RGP1: variants seen among roughly 807,000 people sequenced by gnomAD.
RGP1 encodes the protein RAB6A-GEF complex partner protein 2.
A neutral mutation model predicts 44.5 loss-of-function variants in RGP1; 28 were observed. The observed-to-expected ratio is 0.63, with a 90% CI of 0.47 to 0.86. RGP1 has a LOEUF of 0.86. Ranked by LOEUF, RGP1 falls within the 40% of genes least tolerant of loss-of-function variation. The pLI is 0.00. For missense variants in RGP1, 417 were observed against 490.7 expected (o/e 0.85, Z 1.42); for synonymous variants, 212 against 196.7 (o/e 1.08, Z -0.65).
the RGP1 span, among the ~76,000 whole-genome samples, chr9:35,769,641 C>G: frequency 6.6e-6 from 1 of 151,926 alleles, no homozygotes; most frequent in African/African-American, 2.4e-5. Context: ...GATGAAAAGT[C>G]GGAAGAAAGT....
chr9:35,777,244 C>A, the RGP1 span, among the ~76,000 whole-genome samples: 50 of 148,980 alleles, frequency 3.4e-4, 1 homozygote, highest in East Asian at 9.7e-3. Context: ...TTTCTCCTGC[C>A]TCAGCCTCCC....
chr9:35,783,715 C>T, the RGP1 span, among the ~76,000 whole-genome samples: 1 of 152,142 alleles, frequency 6.6e-6, no homozygotes, highest in East Asian at 1.9e-4. Flanking sequence ...GGGTTGATTC[C>T]ATATCTTGGC....
At chr9:35,785,464 G>A in the RGP1 span, among the ~76,000 whole-genome samples, 2 of 136,890 alleles carry the variant, frequency 1.5e-5, no homozygotes. Flanking sequence ...ATTTTCATTT[G>A]AAGGAATGGT....
chr9:35,776,413 G>A, the RGP1 span, among the ~76,000 whole-genome samples: 74 of 151,498 alleles, frequency 4.9e-4, no homozygotes, highest in Middle Eastern at 3.4e-3. Flanking sequence ...TCAGCCTCCC[G>A]AGTAGCTGGA....
At chr9:35,778,090 G>A in the RGP1 span, among the ~76,000 whole-genome samples, 3 of 152,058 alleles carry the variant, frequency 2.0e-5, no homozygotes, top group Non-Finnish European at 2.9e-5. Flanking sequence ...ACCTGAGGTC[G>A]GGAGTTTGAG....
the RGP1 span, among the ~76,000 whole-genome samples, chr9:35,787,060 A>C: frequency 6.6e-6 from 1 of 151,616 alleles, no homozygotes; most frequent in Admixed American, 6.6e-5. Flanking sequence ...AGAATGAGCC[A>C]CTGCACTGTA....
chr9:35,772,905 T>A, the RGP1 span, among the ~76,000 whole-genome samples: 1 of 152,256 alleles, frequency 6.6e-6, no homozygotes, highest in South Asian at 2.1e-4. Context: ...TTTAAAGTAA[T>A]ATGTCTTCAT....
the RGP1 span, among the ~76,000 whole-genome samples, chr9:35,769,287 T>C: frequency 1.3e-5 from 2 of 152,148 alleles, no homozygotes; most frequent in Admixed American, 6.5e-5. Context: ...GGTTCTTGTC[T>C]TGTTGTCCTT....
In RGP1 at chr9:35,757,430, A is replaced by T. The variant is rs1441719751; in HGVS notation, c.*4556A>T. 6.5e-6 allele frequency: 1 copy of T among 152,816 alleles called. No individual in the cohort carries two copies. The highest frequency in any genetic ancestry group is 1.5e-5 in the Non-Finnish European group (1 of 68,552). 9.5% of individuals were successfully genotyped at this position (152,816 alleles called of 1,614,324 possible). On this transcript the variant is annotated 3_prime_UTR_variant, in exon 9 of 9. Coordinates refer to ENST00000378078, the MANE Select transcript of RGP1 (RefSeq NM_001080496.3). Reference sequence around the variant, plus strand: ...CGGGCCGAGAGCAGACCCCAGGGCAAGGAGGGGCCCCCGAGGGGGAAACCG... The same window carrying T: ...CGGGCCGAGAGCAGACCCCAGGGCATGGAGGGGCCCCCGAGGGGGAAACCG...
At chr9:35,770,929 A>T in the RGP1 span, among the ~76,000 whole-genome samples, 1 of 152,238 alleles carries the variant, frequency 6.6e-6, no homozygotes, top group Non-Finnish European at 1.5e-5. Context: ...AGGTACTCAC[A>T]CAGGCGTATT....
At chr9:35,750,486 G>A in intron 3 of RGP1, 107 bp downstream of exon 3, 1 of 1,385,400 alleles carries the variant, frequency 7.2e-7, no homozygotes, top group Admixed American at 1.9e-5. Context: ...TATAGTCCCT[G>A]TCATGCTGGG....
Position 35,750,956 on chromosome 9 carries a change from C to T in RGP1, c.454C>T (p.Leu152Phe). 1 of 1,613,964 alleles carries T rather than the reference C, an allele frequency of 6.2e-7. No homozygotes were observed. The highest frequency in any genetic ancestry group is 8.5e-7 in the Non-Finnish European group (1 of 1,179,896). ...CQRVNSPITL[L>F]RVPLRVLVLT... ...GCGTGTCAACTCCCCTATCACTTTA[C>T]TCAGAGTCCCTCTGAGGGTTCTTGT... is the stretch of plus-strand genomic sequence containing the variant. Residue 152 changes from leucine to phenylalanine, a missense_variant, in exon 5 of 9, where the codon CTC becomes TTC. Transcript: ENST00000378078.
At chr9:35,751,064 A>G in intron 5 of RGP1, 75 bp downstream of exon 5, 1 of 1,571,006 alleles carries the variant, frequency 6.4e-7, no homozygotes, top group Non-Finnish European at 8.7e-7. Context: ...AGGGCTTGCA[A>G]GAGGGACTGC....
At chr9:35,779,925 A>G in the RGP1 span, among the ~76,000 whole-genome samples, 1 of 151,930 alleles carries the variant, frequency 6.6e-6, no homozygotes, top group Admixed American at 6.5e-5. Context: ...TTTCTTAGAG[A>G]CAGGGTCTCT....
chr9:35,750,574 C>A, intron 3 of RGP1, 84 bp from the exon 4 acceptor site: 1 of 1,470,668 alleles, frequency 6.8e-7, no homozygotes, highest in Non-Finnish European at 9.5e-7. Context: ...GGCCTGGCAG[C>A]CTTTCACTAT....
chr9:35,776,277 CCTTCTCCTTCTT>C, the RGP1 span, among the ~76,000 whole-genome samples: 1 of 151,692 alleles, frequency 6.6e-6, no homozygotes. Flanking sequence ...GGCCTATTCT[CCTTCTCCTTCTT>C]CTTCTTTTTT....
At chr9:35,780,717 AAAACAAAC>A in the RGP1 span, 2 of 152,208 alleles carry the variant, frequency 1.3e-5, no homozygotes, top group Admixed American at 6.5e-5. Context: ...CCAAAAATAC[AAAACAAAC>A]AAACAAACAA....
the RGP1 span, among the ~76,000 whole-genome samples, chr9:35,785,451 T>C: frequency 6.6e-6 from 1 of 150,536 alleles, no homozygotes; most frequent in Non-Finnish European, 1.5e-5. Context: ...GTTTTACATG[T>C]ACATTTTCAT....
Position 35,752,718 on chromosome 9 carries a change from C to G in RGP1, c.1020C>G (p.Pro340=), listed in dbSNP as rs185547101. The change falls in exon 9 of 9, where the codon CCC becomes CCG. Residue 340 remains proline, a synonymous_variant. Transcript: ENST00000378078. ...TSREPGLVLL[P]PVEQPEPTTW... is the part of the protein sequence containing the mutation. ...GAGAACCAGGATTGGTACTCCTACC[C>G]CCTGTGGAACAGCCCGAACCTACCA... 1.2e-5 allele frequency: 20 copies of G among 1,613,690 alleles called. No individual in the cohort carries two copies. In the Admixed American group the frequency reaches 3.3e-4, roughly 27 times the overall value.
Sources: allele counts gnomAD v4.1 joint callset (sites outside exome capture counted in the v4.1 genomes callset), GRCh38; gene constraint gnomAD v4.1.1; transcripts MANE v1.5; gene names NCBI Gene and HGNC (gene_info 2026-07-23, HGNC 2026-07-21).